TTC7B: variants seen among roughly 807,000 people sequenced by gnomAD.
TTC7B encodes tetratricopeptide repeat domain 7B, also known as tetratricopeptide repeat protein 7B.
TTC7B carries 28 observed loss-of-function variants against 106.8 expected under a neutral mutation model. The observed-to-expected ratio is 0.26, with a 90% CI of 0.19 to 0.36. TTC7B has a LOEUF of 0.36. TTC7B is among the 10% of genes least tolerant of loss of function. TTC7B has a pLI of 1.00. For synonymous variants in TTC7B, 405 were observed against 430.6 expected, an observed-to-expected ratio of 0.94 and a Z score of 0.74; for missense variants, 862 against 1,076.4, an observed-to-expected ratio of 0.80 and a Z score of 2.79.
chr14:90,589,190 T>C (rs1276679139), intron 18 of TTC7B, among the ~76,000 whole-genome samples: 1 of 152,154 alleles, frequency 6.6e-6, no homozygotes. Context: ...ACAAAACTTA[T>C]CAAAATTAAA....
In TTC7B at chr14:90,807,635, G is replaced by A. The variant is rs151266842; in HGVS notation, c.121+8540C>T. Among the ~76,000 whole-genome samples, 304 of 152,342 alleles carry A rather than the reference G, an allele frequency of 2.0e-3. 3 individuals carry two copies. The highest frequency in any genetic ancestry group is 0.014 in the Admixed American group (220 of 15,306). ...GGTGCTGTGCCCACACATAGTAGGTGCACATTAAATGCTAACCATTGTGGT... is the reference window on the plus strand; with the variant it reads ...GGTGCTGTGCCCACACATAGTAGGTACACATTAAATGCTAACCATTGTGGT... On this transcript the variant is annotated intron_variant, in intron 1 of 19. Coordinates refer to ENST00000328459, the MANE Select transcript of TTC7B (RefSeq NM_001010854.2). This position sits in a 1 kb window ranked among gnomAD's most constrained non-coding sequence, Gnocchi z 4.1.
chr14:90,587,856 C>G (rs1349694134), intron 18 of TTC7B, among the ~76,000 whole-genome samples: 3 of 152,176 alleles, frequency 2.0e-5, no homozygotes, highest in African/African-American at 7.2e-5. Flanking sequence ...GGCTTTCTAA[C>G]TCTTTAGCCA....
chr14:90,578,814 GC>G lies in TTC7B; in HGVS notation c.2108-507del, dbSNP rs1891368993. On this transcript the variant is annotated intron_variant, in intron 18 of 19. Transcript: ENST00000328459. The surrounding 1 kb of genome is among the most constrained non-coding windows in gnomAD (Gnocchi z 4.7). ...CAGGCTGCAGCTATCATGTTCACAG[GC>G]GTGATGCAAGATGGCTGCCCCGCCA... Among the ~76,000 whole-genome samples the G allele has an allele frequency of 6.6e-6, 1 of 152,090 alleles. No homozygotes were observed. Among genetic ancestry groups the G allele is most frequent in the Non-Finnish European group, 1.5e-5 (1 of 68,006 alleles).
chr14:90,789,188 G>A (rs896104855), intron 1 of TTC7B, among the ~76,000 whole-genome samples: 4 of 151,948 alleles, frequency 2.6e-5, no homozygotes, highest in South Asian at 2.1e-4. Context: ...TGCAACCTTC[G>A]CCTGGGTTCA....
intron 1 of TTC7B, 99 bp downstream of exon 1, chr14:90,816,076 G>GC: frequency 8.2e-6 from 8 of 976,724 alleles, no homozygotes; most frequent in Non-Finnish European, 9.7e-6. Flanking sequence ...GCCCGGCCGC[G>GC]CCCCTGCCCG....
intron 4 of TTC7B, among the ~76,000 whole-genome samples, chr14:90,730,553 C>T (rs1401546330): frequency 2.0e-5 from 3 of 152,148 alleles, no homozygotes; most frequent in Non-Finnish European, 4.4e-5. Flanking sequence ...TAGCAAAGGG[C>T]GGAAATAGTT....
At chr14:90,560,877 G>C (rs1003193574) in intron 19 of TTC7B, among the ~76,000 whole-genome samples, 7 of 152,226 alleles carry the variant, frequency 4.6e-5, no homozygotes, top group Admixed American at 4.6e-4. Context: ...AAGCAGATTT[G>C]TCACCTTTGT....
chr14:90,800,156 T>G (rs1392304928), intron 1 of TTC7B, among the ~76,000 whole-genome samples: 1 of 152,136 alleles, frequency 6.6e-6, no homozygotes, highest in Non-Finnish European at 1.5e-5. Context: ...AAAAGATGCC[T>G]CTGTCAGCCC....
intron 19 of TTC7B, among the ~76,000 whole-genome samples, chr14:90,576,784 C>T (rs1031930962): frequency 6.6e-6 from 1 of 152,194 alleles, no homozygotes; most frequent in Non-Finnish European, 1.5e-5. Flanking sequence ...GCAGTTAGTG[C>T]CCAGCCCCTT....
At position 90,740,445 on chromosome 14, in the gene TTC7B, A is replaced by G. The variant is rs576931914; in HGVS notation, c.576+4347T>C. On this transcript the variant is annotated intron_variant, in intron 4 of 19. Coordinates refer to ENST00000328459, the MANE Select transcript of TTC7B (RefSeq NM_001010854.2). Reference sequence around the variant, plus strand: ...CTTCAGCACAAGAAAGGGAAAAGCAAATTCTCCCGAAAAAGTTACTGCATA... The same window carrying G: ...CTTCAGCACAAGAAAGGGAAAAGCAGATTCTCCCGAAAAAGTTACTGCATA... Among the ~76,000 whole-genome samples, 13 of 151,976 alleles carry G rather than the reference A, an allele frequency of 8.6e-5. No individual in the cohort carries two copies. In the East Asian group the frequency reaches 2.5e-3, roughly 29 times the overall value.
intron 1 of TTC7B, among the ~76,000 whole-genome samples, chr14:90,796,999 C>G (rs918529076): frequency 6.6e-6 from 1 of 151,338 alleles, no homozygotes; most frequent in Admixed American, 6.6e-5. Flanking sequence ...GCGCGCACCA[C>G]CACACCAGGC....
At chr14:90,631,408 AT>A (rs752394881) in intron 15 of TTC7B, among the ~76,000 whole-genome samples, 2,357 of 133,570 alleles carry the variant, frequency 0.018, 30 homozygotes, top group African/African-American at 0.045. Context: ...GTCTGCACCA[AT>A]TTTTTTTTTT....
At chr14:90,643,741 C>T (rs1017195408) in intron 15 of TTC7B, among the ~76,000 whole-genome samples, 4 of 152,136 alleles carry the variant, frequency 2.6e-5, no homozygotes, top group Admixed American at 1.3e-4. Flanking sequence ...CGCCACCACA[C>T]CCAGCTACAT....
chr14:90,657,039 G>A lies in TTC7B; in HGVS notation c.1341+135C>T, dbSNP rs998622772. ...GGCCAGGGGCCCAGGCCCAGGGTCC[G>A]TGGCTCTACACAGTCTTGTCTTTGT... On this transcript the variant is annotated intron_variant, in intron 11 of 19. Transcript: ENST00000328459. The surrounding 1 kb of genome is among the most constrained non-coding windows in gnomAD (Gnocchi z 4.2). 24 of 740,014 alleles carry A rather than the reference G, an allele frequency of 3.2e-5. No individual in the cohort carries two copies. The highest frequency in any genetic ancestry group is 1.7e-4 in the Admixed American group (6 of 35,714). 45.8% of individuals were successfully genotyped at this position (740,014 alleles called of 1,614,324 possible).
chr14:90,618,467 A>G (rs573214065), intron 15 of TTC7B, among the ~76,000 whole-genome samples: 1 of 152,234 alleles, frequency 6.6e-6, no homozygotes, highest in Non-Finnish European at 1.5e-5. Context: ...AACCCTCCAC[A>G]ATGATGCTCA....
At chr14:90,668,425 C>G (rs1290351036) in intron 9 of TTC7B, among the ~76,000 whole-genome samples, 1 of 152,140 alleles carries the variant, frequency 6.6e-6, no homozygotes, top group African/African-American at 2.4e-5. Context: ...CTCCCTGACT[C>G]CAGGGCTGAA....
chr14:90,614,819 C>T (rs1364708955), intron 16 of TTC7B, among the ~76,000 whole-genome samples: 1 of 152,200 alleles, frequency 6.6e-6, no homozygotes, highest in African/African-American at 2.4e-5. Context: ...TGGTTATTAC[C>T]ATCCCTGGCT....
chr14:90,573,697 C>A (rs1049721596), intron 19 of TTC7B, among the ~76,000 whole-genome samples: 11 of 152,180 alleles, frequency 7.2e-5, no homozygotes, highest in African/African-American at 9.7e-5. Flanking sequence ...CTCTTCAAAG[C>A]GGCCTCACCC....
intron 9 of TTC7B, among the ~76,000 whole-genome samples, chr14:90,660,394 T>C (rs1595255916): frequency 7.9e-5 from 1 of 12,612 alleles, no homozygotes; most frequent in African/African-American, 4.7e-4. Context: ...CCACCCTGTC[T>C]CAAAAAAAAA....
Sources: gnomAD v4.1 joint callset for allele counts (sites outside exome capture counted in the v4.1 genomes callset) on GRCh38, gnomAD v4.1.1 for gene constraint, Gnocchi (gnomAD v3.1) non-coding constraint, MANE v1.5 for transcripts, NCBI Gene and HGNC (gene_info 2026-07-23, HGNC 2026-07-21) for gene names.